The following HCN1 variants were observed in gnomAD, a reference collection of about 807,000 sequenced individuals.
The protein encoded by HCN1 is potassium/sodium hyperpolarization-activated cyclic nucleotide-gated channel 1.
In HCN1, 13 loss-of-function variants were observed where a neutral mutation model predicts 78.9. The ratio of observed to expected loss-of-function variants is 0.16; its 90% CI spans 0.11 to 0.26. The LOEUF (loss-of-function observed/expected upper bound fraction) is 0.26, where lower values mean the gene tolerates loss of function less well. Ranked by LOEUF, HCN1 falls within the 10% of genes least tolerant of loss-of-function variation. HCN1 has a pLI of 1.00. For missense variants in HCN1, 810 were observed against 1,154.3 expected, an observed-to-expected ratio of 0.70 and a Z score of 4.32; for synonymous variants, 552 against 455.5, an observed-to-expected ratio of 1.21 and a Z score of -2.70.
chr5:45,334,416 A>G (rs1161410658), intron 5 of HCN1, among the ~76,000 whole-genome samples: 1 of 151,420 alleles, frequency 6.6e-6, no homozygotes, highest in East Asian at 1.9e-4. Context: ...GCCATGGTGA[A>G]CACACTTTTT....
chr5:45,512,520 A>G (rs1742434752), intron 2 of HCN1, among the ~76,000 whole-genome samples: 1 of 152,126 alleles, frequency 6.6e-6, no homozygotes, highest in African/African-American at 2.4e-5. Flanking sequence ...TCATCTAGTC[A>G]ATAATTTAAA....
chr5:45,331,463 T>C (rs993866778), intron 5 of HCN1, among the ~76,000 whole-genome samples: 1 of 151,364 alleles, frequency 6.6e-6, no homozygotes, highest in Non-Finnish European at 1.5e-5. Flanking sequence ...AGTTTTAAAA[T>C]ATCAAATTTA....
intron 2 of HCN1, among the ~76,000 whole-genome samples, chr5:45,588,247 C>T (rs982913559): frequency 5.9e-5 from 9 of 151,860 alleles, no homozygotes; most frequent in Admixed American, 3.3e-4. Flanking sequence ...ATTTATATTC[C>T]GGCAAGACTA....
At chr5:45,339,831 G>A (rs1243456663) in intron 5 of HCN1, among the ~76,000 whole-genome samples, 2 of 152,192 alleles carry the variant, frequency 1.3e-5, no homozygotes, top group Non-Finnish European at 2.9e-5. Flanking sequence ...GAGGATGCAC[G>A]TAAAAGTGAA....
intron 5 of HCN1, among the ~76,000 whole-genome samples, chr5:45,346,655 C>T (rs1746720500): frequency 6.6e-6 from 1 of 152,146 alleles, no homozygotes; most frequent in Non-Finnish European, 1.5e-5. Flanking sequence ...CGGGTCACTC[C>T]CACCCTAATA....
chr5:45,273,001 A>G (rs966615291), intron 6 of HCN1, among the ~76,000 whole-genome samples: 18 of 152,066 alleles, frequency 1.2e-4, no homozygotes, highest in African/African-American at 4.3e-4. Context: ...TGAGAGCTCA[A>G]CTAAGAACTT....
At chr5:45,267,674 A>C (rs187088881) in intron 6 of HCN1, among the ~76,000 whole-genome samples, 77 of 152,244 alleles carry the variant, frequency 5.1e-4, no homozygotes, top group African/African-American at 1.6e-3. Flanking sequence ...AGGCTGAGGC[A>C]GGAGAATCAC....
At chr5:45,375,103 TTATAATA>T (rs1285631770) in intron 4 of HCN1, among the ~76,000 whole-genome samples, 1 of 123,006 alleles carries the variant, frequency 8.1e-6, no homozygotes, top group Non-Finnish European at 1.6e-5. Context: ...ATATAATATT[TTATAATA>T]TATAATATAT....
At chr5:45,695,463 C>A (rs1476089112) in intron 1 of HCN1, among the ~76,000 whole-genome samples, 1 of 152,180 alleles carries the variant, frequency 6.6e-6, no homozygotes, top group Non-Finnish European at 1.5e-5. Context: ...GATTCCCGGG[C>A]AACAGGAGCA....
intron 1 of HCN1, among the ~76,000 whole-genome samples, chr5:45,650,015 G>C (rs979588775): frequency 1.3e-5 from 2 of 151,964 alleles, no homozygotes; most frequent in Non-Finnish European, 2.9e-5. Flanking sequence ...AAAAACAAAA[G>C]AGTTGTGTAT....
At chr5:45,373,977 G>T (rs1342385986) in intron 4 of HCN1, among the ~76,000 whole-genome samples, 21 of 59,556 alleles carry the variant, frequency 3.5e-4, no homozygotes, top group African/African-American at 1.1e-3. Flanking sequence ...ACATACAGTA[G>T]ATACATAATA....
At chr5:45,375,119 A>G (rs1423726710) in intron 4 of HCN1, among the ~76,000 whole-genome samples, 3 of 123,146 alleles carry the variant, frequency 2.4e-5, no homozygotes, top group African/African-American at 9.3e-5. Context: ...TATATAATAT[A>G]TTATATATAA....
chr5:45,555,242 C>T (rs1331647315), intron 2 of HCN1, among the ~76,000 whole-genome samples: 1 of 151,524 alleles, frequency 6.6e-6, no homozygotes, highest in African/African-American at 2.4e-5. Context: ...TTTCTATATG[C>T]CAACAGTGAA....
At chr5:45,329,749 T>A (rs915016024) in intron 5 of HCN1, among the ~76,000 whole-genome samples, 1 of 151,402 alleles carries the variant, frequency 6.6e-6, no homozygotes, top group Admixed American at 6.6e-5. Flanking sequence ...ATTTTCATAT[T>A]TCCACCAGAA....
At chr5:45,692,840 A>G (rs1739940002) in intron 1 of HCN1, among the ~76,000 whole-genome samples, 1 of 152,170 alleles carries the variant, frequency 6.6e-6, no homozygotes, top group South Asian at 2.1e-4. Context: ...TGTTAAAGTC[A>G]CGACATGCCC....
chr5:45,668,467 CT>C (rs1221367927), intron 1 of HCN1, among the ~76,000 whole-genome samples: 3 of 151,918 alleles, frequency 2.0e-5, no homozygotes, highest in African/African-American at 7.2e-5. Flanking sequence ...TTCCTGAAGC[CT>C]CCCTAGCCAT....
In HCN1 at chr5:45,261,143, TAAAC is replaced by T. The variant is rs1744729527; in HGVS notation, c.*774_*777del. The T allele has an allele frequency of 6.6e-6, 1 of 152,668 alleles. No individual in the cohort carries two copies. The highest frequency in any genetic ancestry group is 2.4e-5 in the African/African-American group (1 of 41,464). 9.5% of individuals were successfully genotyped at this position (152,668 alleles called of 1,614,324 possible). A position where few individuals can be genotyped will look rare whatever the true frequency, so the allele number is the denominator to read the frequency against. Reference sequence around the variant, plus strand: ...AAGTGAAGCAATAAAACTAAATTCTTAAACAATGACTTTTACCTTCATACAACAC... The same window carrying T: ...AAGTGAAGCAATAAAACTAAATTCTTAATGACTTTTACCTTCATACAACAC... On this transcript the variant is annotated 3_prime_UTR_variant, in exon 8 of 8. Transcript: ENST00000303230.
intron 6 of HCN1, among the ~76,000 whole-genome samples, chr5:45,295,878 T>C (rs1407439826): frequency 6.6e-6 from 1 of 152,056 alleles, no homozygotes; most frequent in Non-Finnish European, 1.5e-5. Context: ...TATTAGATAA[T>C]GAAATAGGCA....
chr5:45,372,748 C>T (rs985631193), intron 4 of HCN1, among the ~76,000 whole-genome samples: 19 of 140,986 alleles, frequency 1.3e-4, no homozygotes, highest in African/African-American at 4.4e-4. Flanking sequence ...AAAATATATA[C>T]GTATTCTATA....
Sources: allele counts gnomAD v4.1 joint callset (sites outside exome capture counted in the v4.1 genomes callset), GRCh38; gene constraint gnomAD v4.1.1; transcripts MANE v1.5; gene names NCBI Gene and HGNC (gene_info 2026-07-23, HGNC 2026-07-21).